UNC13C: variants seen among roughly 807,000 people sequenced by gnomAD.
UNC13C encodes protein unc-13 homolog C.
A neutral mutation model predicts 245.4 loss-of-function variants in UNC13C; 174 were observed. The observed-to-expected ratio is 0.71, with a 90% CI of 0.63 to 0.80. The LOEUF (loss-of-function observed/expected upper bound fraction) is 0.80, where lower values mean the gene tolerates loss of function less well. Ranked by LOEUF, UNC13C falls within the 30% of genes least tolerant of loss-of-function variation. The probability of loss-of-function intolerance (pLI) is 0.00; values close to 1 mark genes in which losing one functional copy is unlikely to be tolerated. For synonymous variants in UNC13C, 992 were observed against 895.1 expected (o/e 1.11, Z -1.93); for missense variants, 2,829 against 2,602.9 (o/e 1.09, Z -1.89).
At position 54,621,282 on chromosome 15, in the gene UNC13C, G is replaced by T. The variant is rs114407961; in HGVS notation, c.6107-1045G>T. 5.4e-3 allele frequency among the ~76,000 whole-genome samples: 821 copies of T among 152,232 alleles called. 11 individuals carry two copies. The highest frequency in any genetic ancestry group is 0.019 in the African/African-American group (793 of 41,544). ...TGAGATTGCAAAAGTTACAGTCTCT[G>T]TGGTAGAAATTAAAACGCCACATAA... On this transcript the variant is annotated intron_variant, in intron 30 of 32. Coordinates refer to ENST00000260323, the MANE Select transcript of UNC13C (RefSeq NM_001080534.3).
the UNC13C span, among the ~76,000 whole-genome samples, chr15:53,955,056 C>A: frequency 1.3e-5 from 2 of 152,162 alleles, no homozygotes; most frequent in African/African-American, 4.8e-5. Flanking sequence ...AAGAAGAGAA[C>A]TGGAACATAG....
At position 54,553,050 on chromosome 15, in the gene UNC13C, C is replaced by CTG. The variant is rs1566905686; in HGVS notation, c.5878-2381_5878-2380insGT. On this transcript the variant is annotated intron_variant, in intron 28 of 32. Coordinates refer to ENST00000260323, the MANE Select transcript of UNC13C (RefSeq NM_001080534.3). ...TACAATATATAATATATATTGTATT[C>CTG]TATATTACAATATATAATATATATT... 7.7e-4 allele frequency among the ~76,000 whole-genome samples: 23 copies of CTG among 29,744 alleles called. 2 individuals are homozygous for CTG. Among genetic ancestry groups the CTG allele is most frequent in the African/African-American group, 2.4e-3 (21 of 8,686 alleles). 19.5% of individuals were successfully genotyped at this position (29,744 alleles called of 152,430 possible). A position where few individuals can be genotyped will look rare whatever the true frequency, so the allele number is the denominator to read the frequency against.
chr15:54,093,011 G>T (rs1899652880), intron 2 of UNC13C, among the ~76,000 whole-genome samples: 1 of 152,156 alleles, frequency 6.6e-6, no homozygotes, highest in Non-Finnish European at 1.5e-5. Flanking sequence ...TAGCTTTCAA[G>T]ATTAAGGTAT....
At chr15:54,501,774 T>C (rs927342537) in intron 22 of UNC13C, among the ~76,000 whole-genome samples, 1 of 152,006 alleles carries the variant, frequency 6.6e-6, no homozygotes, top group Non-Finnish European at 1.5e-5. Context: ...GCAGGGCTCA[T>C]AGAAGACTAA....
the UNC13C span, among the ~76,000 whole-genome samples, chr15:53,848,693 G>A: frequency 6.6e-6 from 1 of 152,018 alleles, no homozygotes; most frequent in African/African-American, 2.4e-5. Flanking sequence ...CTGCCTTCTT[G>A]TTCTATCAAC....
chr15:54,516,661 A>T (rs1395287088), intron 24 of UNC13C, among the ~76,000 whole-genome samples: 1 of 152,034 alleles, frequency 6.6e-6, no homozygotes, highest in Non-Finnish European at 1.5e-5. Flanking sequence ...TTAGCCAGGC[A>T]TGGTGGTGGG....
rs547854714 is a variant in UNC13C, at chr15:54,121,874, C to A, written c.2984-21144C>A. On this transcript the variant is annotated intron_variant, in intron 2 of 32. Coordinates refer to ENST00000260323, the MANE Select transcript of UNC13C (RefSeq NM_001080534.3). ...ATTGCACTGCTTTTGTCAGATTTAT[C>A]TTATGGACATAATATAATCATTATG... Among the ~76,000 whole-genome samples the A allele has an allele frequency of 7.9e-5, 12 of 151,948 alleles. No individual in the cohort carries two copies. In the South Asian group the frequency reaches 2.5e-3, roughly 32 times the overall value.
chr15:54,076,814 G>GA (rs1224563129), intron 2 of UNC13C, among the ~76,000 whole-genome samples: 12 of 152,264 alleles, frequency 7.9e-5, no homozygotes, highest in African/African-American at 2.6e-4. Flanking sequence ...AATAAAGGGG[G>GA]AAAAATGGAC....
At chr15:54,249,115 A>G (rs1007114460) in intron 7 of UNC13C, among the ~76,000 whole-genome samples, 2 of 152,172 alleles carry the variant, frequency 1.3e-5, no homozygotes, top group African/African-American at 2.4e-5. Flanking sequence ...TGTAACCTCT[A>G]AGAGTGCTGG....
the UNC13C span, among the ~76,000 whole-genome samples, chr15:53,873,217 C>T: frequency 3.3e-5 from 5 of 152,030 alleles, no homozygotes; most frequent in Non-Finnish European, 7.4e-5. Flanking sequence ...CATTCAATGC[C>T]TTCTGAGTTC....
At chr15:54,181,740 T>C (rs778012910) in intron 4 of UNC13C, among the ~76,000 whole-genome samples, 10 of 152,006 alleles carry the variant, frequency 6.6e-5, no homozygotes, top group Admixed American at 1.3e-4. Flanking sequence ...CATTTTGTAG[T>C]TCTCCACTTA....
intron 2 of UNC13C, among the ~76,000 whole-genome samples, chr15:54,042,336 G>A (rs944714822): frequency 6.6e-6 from 1 of 152,130 alleles, no homozygotes; most frequent in African/African-American, 2.4e-5. Context: ...AGTCCGTAGG[G>A]ATAACTTCAA....
intron 4 of UNC13C, among the ~76,000 whole-genome samples, chr15:54,213,909 G>A (rs563508981): frequency 1.3e-5 from 2 of 152,138 alleles, no homozygotes; most frequent in South Asian, 4.1e-4. Flanking sequence ...ACCAGCCAAA[G>A]GCATTGAGAT....
chr15:54,391,886 A>T (rs1249844120), intron 17 of UNC13C, among the ~76,000 whole-genome samples: 1 of 152,140 alleles, frequency 6.6e-6, no homozygotes, highest in East Asian at 1.9e-4. Context: ...ATGGTTACAT[A>T]TCATGATTTG....
chr15:54,250,749 C>CTTTCT (rs1475632016), intron 8 of UNC13C, among the ~76,000 whole-genome samples: 3 of 88,872 alleles, frequency 3.4e-5, no homozygotes, highest in African/African-American at 1.2e-4. Flanking sequence ...TTCTTTCTTT[C>CTTTCT]TTTTTTTTTT....
chr15:54,364,810 AT>A (rs1406731798), intron 17 of UNC13C, among the ~76,000 whole-genome samples: 2 of 152,150 alleles, frequency 1.3e-5, no homozygotes, highest in Non-Finnish European at 1.5e-5. Flanking sequence ...CTAGTGATTG[AT>A]TCTCACTGAT....
intron 4 of UNC13C, among the ~76,000 whole-genome samples, chr15:54,203,236 A>G (rs1021018039): frequency 2.6e-5 from 4 of 151,878 alleles, no homozygotes; most frequent in Non-Finnish European, 4.4e-5. Context: ...GTGGGAATGT[A>G]AACTAGTACA....
chr15:53,852,095 G>A, the UNC13C span, among the ~76,000 whole-genome samples: 1 of 152,152 alleles, frequency 6.6e-6, no homozygotes, highest in Non-Finnish European at 1.5e-5. Flanking sequence ...ACTGGTATCT[G>A]GAGGTAGGGA....
intron 4 of UNC13C, among the ~76,000 whole-genome samples, chr15:54,147,386 T>A (rs4332692): frequency 0.93 from 140,491 of 151,710 alleles, 65,927 homozygotes; most frequent in Non-Finnish European, 1. Context: ...CGCCCGGCCA[T>A]TTTTTTGTAT....
Sources: gnomAD v4.1 joint callset for allele counts (sites outside exome capture counted in the v4.1 genomes callset) on GRCh38, gnomAD v4.1.1 for gene constraint, MANE v1.5 for transcripts, NCBI Gene and HGNC (gene_info 2026-07-23, HGNC 2026-07-21) for gene names.